Variants in CADM1 observed in about 807,000 individuals in gnomAD.
CADM1 encodes the protein cell adhesion molecule 1.
Under a neutral mutation model 53.1 loss-of-function variants are expected in CADM1, and 15 were observed. The observed-to-expected ratio is 0.28, with a 90% CI of 0.19 to 0.44. CADM1 has a LOEUF of 0.44. Among genes scored for constraint, CADM1 ranks in the 20% least tolerant of loss-of-function variants. The probability of loss-of-function intolerance (pLI) is 1.00; values close to 1 mark genes in which losing one functional copy is unlikely to be tolerated. For synonymous variants in CADM1, 281 were observed against 243.0 expected (o/e 1.16, Z -1.45); for missense variants, 434 against 611.3 (o/e 0.71, Z 3.06).
At chr11:115,199,200 C>T (rs1046177357) in intron 8 of CADM1, among the ~76,000 whole-genome samples, 1 of 152,198 alleles carries the variant, frequency 6.6e-6, no homozygotes, top group African/African-American at 2.4e-5. Context: ...CCCAAGTTCA[C>T]ACAATCTGCC....
chr11:115,186,826 C>G (rs1413636507), intron 10 of CADM1, among the ~76,000 whole-genome samples: 11 of 152,184 alleles, frequency 7.2e-5, no homozygotes, highest in Admixed American at 7.2e-4. Flanking sequence ...TTTATTGTTT[C>G]ACAGCATTTG....
At chr11:115,333,801 G>T (rs1242768703) in intron 1 of CADM1, among the ~76,000 whole-genome samples, 1 of 152,072 alleles carries the variant, frequency 6.6e-6, no homozygotes, top group Non-Finnish European at 1.5e-5. Context: ...AATTAGTACA[G>T]TAGTTAGCGT....
chr11:115,401,854 G>A (rs1947165234), intron 1 of CADM1, among the ~76,000 whole-genome samples: 2 of 152,150 alleles, frequency 1.3e-5, no homozygotes, highest in African/African-American at 2.4e-5. Context: ...GTACCACGCT[G>A]GTAGAGGATG....
intron 5 of CADM1, among the ~76,000 whole-genome samples, chr11:115,225,677 C>A (rs1941579664): frequency 6.6e-6 from 1 of 152,196 alleles, no homozygotes; most frequent in South Asian, 2.1e-4. Flanking sequence ...CATATGGTAG[C>A]ACTCCATTTT....
intron 1 of CADM1, among the ~76,000 whole-genome samples, chr11:115,383,006 C>T (rs220867): frequency 2.7e-4 from 41 of 152,346 alleles, no homozygotes; most frequent in African/African-American, 9.4e-4. Context: ...TCACAATAGG[C>T]TAGCCCTTCT....
Position 115,176,592 on chromosome 11 carries a change from C to A in CADM1, c.1298G>T (p.Gly433Val). The change falls in exon 12 of 12, where the codon GGT (glycine) becomes GTT (valine). Residue 433 changes from glycine to valine, a missense_variant and splice_region_variant. Transcript: ENST00000331581. ...TTTGGCTTCATGAGTGAAGTATGTA[C>A]CTGAAAGATGAAGGGGTAAAGCACC... ...ILGRYFARHK[G>V]TYFTHEAKGA... 1 of 1,613,374 alleles carries A rather than the reference C, an allele frequency of 6.2e-7. No individual in the cohort carries two copies.
intron 1 of CADM1, among the ~76,000 whole-genome samples, chr11:115,432,301 T>C (rs991087565): frequency 2.0e-5 from 3 of 152,142 alleles, no homozygotes; most frequent in Non-Finnish European, 4.4e-5. Context: ...CCAAGTCTGC[T>C]TTCGCTCACC....
At chr11:115,473,995 T>A (rs1452335177) in intron 1 of CADM1, among the ~76,000 whole-genome samples, 3 of 151,946 alleles carry the variant, frequency 2.0e-5, no homozygotes, top group Non-Finnish European at 4.4e-5. Context: ...GCCTAGTTTT[T>A]AAAAAATAGG....
intron 1 of CADM1, among the ~76,000 whole-genome samples, chr11:115,454,869 T>C (rs1948649648): frequency 6.6e-6 from 1 of 152,204 alleles, no homozygotes; most frequent in Non-Finnish European, 1.5e-5. Flanking sequence ...TATCTGTCCA[T>C]CTATCTTAAG....
At chr11:115,346,535 G>A (rs1295939923) in intron 1 of CADM1, among the ~76,000 whole-genome samples, 1 of 151,972 alleles carries the variant, frequency 6.6e-6, no homozygotes, top group Non-Finnish European at 1.5e-5. Context: ...CACACACCTG[G>A]CCTGCTTATT....
In CADM1 at chr11:115,434,857, A is replaced by AT. The variant is rs1249528701; in HGVS notation, c.124+69413dup. Among the ~76,000 whole-genome samples the AT allele has an allele frequency of 4.2e-3, 449 of 107,252 alleles. 2 individuals carry two copies. The highest frequency in any genetic ancestry group is 9.8e-3 in the South Asian group (39 of 3,962). The allele number at this position is 107,252 out of a possible 152,430, so 70.4% of individuals were successfully genotyped here. ...CTAAGTATTTTATTTTATTATTATT[A>AT]TTATTATTTTTTTTTTTTTTTGAGA... On this transcript the variant is annotated intron_variant, in intron 1 of 11. Coordinates refer to ENST00000331581, the MANE Select transcript of CADM1 (RefSeq NM_001301043.2).
At position 115,175,461 on chromosome 11, in the gene CADM1, A is replaced by C; in HGVS notation, c.*1013T>G. Reference sequence around the variant, plus strand: ...TTTTCCTACAAATTAGTGAGAAGTAAGGCCGATTGGGAAAGGTGGATGGAA... The same window carrying C: ...TTTTCCTACAAATTAGTGAGAAGTACGGCCGATTGGGAAAGGTGGATGGAA... On this transcript the variant is annotated 3_prime_UTR_variant, in exon 12 of 12. Transcript: ENST00000331581. 1 of 985,722 alleles carries C rather than the reference A, an allele frequency of 1.0e-6. No homozygotes were observed. Among genetic ancestry groups the C allele is most frequent in the Non-Finnish European group, 1.2e-6 (1 of 829,952 alleles). 61.1% of individuals were successfully genotyped at this position (985,722 alleles called of 1,614,324 possible).
chr11:115,218,519 G>C (rs556243898), intron 5 of CADM1, among the ~76,000 whole-genome samples: 3 of 152,240 alleles, frequency 2.0e-5, no homozygotes, highest in East Asian at 1.9e-4. Context: ...TGAAAACTCT[G>C]ACATCTCAGT....
At position 115,169,832 on chromosome 11, in the gene CADM1, T is replaced by C. The variant is rs1028711287; in HGVS notation, c.*6642A>G. 2 of 278,954 alleles carry C rather than the reference T, an allele frequency of 7.2e-6. No homozygotes were observed. Among genetic ancestry groups the C allele is most frequent in the African/African-American group, 2.2e-5 (1 of 45,684 alleles). 17.3% of individuals were successfully genotyped at this position (278,954 alleles called of 1,614,324 possible). ...AGGTTTAAACGATGAAATACACAAC[T>C]ACAGAGAAAACAAACCAAAAAGAGT... On this transcript the variant is annotated 3_prime_UTR_variant, in exon 12 of 12. Transcript: ENST00000331581.
intron 11 of CADM1, among the ~76,000 whole-genome samples, chr11:115,178,110 G>A (rs920324186): frequency 3.9e-5 from 6 of 152,158 alleles, no homozygotes; most frequent in Non-Finnish European, 5.9e-5. Context: ...CAATTGCACT[G>A]ATAATTTTAA....
chr11:115,264,715 A>C (rs940954207), intron 1 of CADM1, among the ~76,000 whole-genome samples: 1 of 152,244 alleles, frequency 6.6e-6, no homozygotes. Flanking sequence ...TCATCTATAA[A>C]AATGGAAATA....
At chr11:115,271,503 C>T (rs1362554495) in intron 1 of CADM1, among the ~76,000 whole-genome samples, 5 of 152,140 alleles carry the variant, frequency 3.3e-5, no homozygotes, top group Non-Finnish European at 5.9e-5. Flanking sequence ...AGGATGGTCT[C>T]GATCTCCCGA....
intron 1 of CADM1, among the ~76,000 whole-genome samples, chr11:115,340,553 G>A (rs1275296455): frequency 6.7e-5 from 9 of 134,882 alleles, no homozygotes; most frequent in South Asian, 2.4e-4. Context: ...CATAATATAC[G>A]CCATATAAGG....
intron 1 of CADM1, among the ~76,000 whole-genome samples, chr11:115,380,797 A>G (rs566808646): frequency 6.6e-6 from 1 of 152,332 alleles, no homozygotes; most frequent in South Asian, 2.1e-4. Context: ...GATGAGAATC[A>G]AATCATCTCC....
Sources: allele counts gnomAD v4.1 joint callset (sites outside exome capture counted in the v4.1 genomes callset), GRCh38; gene constraint gnomAD v4.1.1; transcripts MANE v1.5; gene names NCBI Gene and HGNC (gene_info 2026-07-23, HGNC 2026-07-21).